The following KLRD1 variants were observed in gnomAD, a reference collection of about 807,000 sequenced individuals.
KLRD1 encodes the protein killer cell lectin like receptor D1, also known as natural killer cells antigen CD94.
KLRD1 carries 21 observed loss-of-function variants against 22.6 expected under a neutral mutation model. The ratio of observed to expected loss-of-function variants is 0.93; its 90% CI spans 0.66 to 1.34. The LOEUF (loss-of-function observed/expected upper bound fraction) is 1.34, where lower values mean the gene tolerates loss of function less well. Among genes scored for constraint, KLRD1 ranks in the 40% most tolerant of loss-of-function variants. KLRD1 has a pLI of 0.00. For missense variants in KLRD1, 183 were observed against 208.6 expected (o/e 0.88, Z 0.76); for synonymous variants, 59 against 71.1 (o/e 0.83, Z 0.85).
At position 10,239,434 on chromosome 12, in the gene KLRD1, T is replaced by TTCCTTCCTTCC. The variant is rs59390706; in HGVS notation, c.-101+13202_-101+13203insCCTTCCTTCCT. 1.9e-3 allele frequency among the ~76,000 whole-genome samples: 80 copies of TTCCTTCCTTCC among 41,424 alleles called. 5 individuals carry two copies. Among genetic ancestry groups the TTCCTTCCTTCC allele is most frequent in the Non-Finnish European group, 2.6e-3 (52 of 20,348 alleles). 27.2% of individuals were successfully genotyped at this position (41,424 alleles called of 152,430 possible). On this transcript the variant is annotated intron_variant, in intron 1 of 5. Transcript: ENST00000544747. ...CTTCCTTCTTTCCATCCTTCCTTCCTTTCCTTCCTTCCTTCCTTCCTTCCT... is the reference window on the plus strand; with the variant it reads ...CTTCCTTCTTTCCATCCTTCCTTCCTTCCTTCCTTCCTTCCTTCCTTCCTTCCTTCCTTCCT...
At chr12:10,240,061 T>A (rs1949226608) in intron 1 of KLRD1, among the ~76,000 whole-genome samples, 1 of 151,194 alleles carries the variant, frequency 6.6e-6, no homozygotes, top group South Asian at 2.1e-4. Context: ...ATTTCTACTT[T>A]CTTTCTTTTT....
At chr12:10,246,712 T>G (rs1949294339) in intron 1 of KLRD1, among the ~76,000 whole-genome samples, 4 of 152,174 alleles carry the variant, frequency 2.6e-5, no homozygotes, top group African/African-American at 9.7e-5. Flanking sequence ...GTCAAATCAT[T>G]CCTATAATGT....
At chr12:10,291,169 C>T (rs1440353581) in intron 1 of KLRD1, among the ~76,000 whole-genome samples, 2 of 152,166 alleles carry the variant, frequency 1.3e-5, no homozygotes, top group Non-Finnish European at 2.9e-5. Context: ...AAAATGTTAA[C>T]AATCAGCTGA....
At chr12:10,248,538 C>A (rs577949821) in intron 1 of KLRD1, among the ~76,000 whole-genome samples, 1 of 83,028 alleles carries the variant, frequency 1.2e-5, no homozygotes, top group South Asian at 3.8e-4. Flanking sequence ...CTTTTCCTTC[C>A]TTCCTTCCTT....
At chr12:10,300,075 C>T (rs528228835), upstream of KLRD1, among the ~76,000 whole-genome samples, 1 of 152,292 alleles carries the variant, frequency 6.6e-6, no homozygotes, top group South Asian at 2.1e-4. Flanking sequence ...TCAAAGGCAT[C>T]CATGAGAAAT....
rs552570341 is a variant in KLRD1, at chr12:10,292,725, A to G, written c.-100-15253A>G. Among the ~76,000 whole-genome samples the G allele has an allele frequency of 2.0e-5, 3 of 152,274 alleles. No homozygotes were observed. The South Asian group carries it at 6.2e-4, about 32-fold the overall frequency. On this transcript the variant is annotated intron_variant, in intron 1 of 5. Coordinates refer to the KLRD1 transcript ENST00000544747. Reference sequence around the variant, plus strand: ...GAATGGTAAATGAGCATTGGCTTCAACTTAAGTCACCAGTTAGCCCCTAAC... The same window carrying G: ...GAATGGTAAATGAGCATTGGCTTCAGCTTAAGTCACCAGTTAGCCCCTAAC...
At position 10,316,634 on chromosome 12, in the gene KLRD1, G is replaced by A. The variant is rs934893051; in HGVS notation, c.*1841G>A. ...CCCAGGCTGATCTTGAACTCCTGGG[G>A]TCAAGGATTCTGCCCGCCTTGGCCT... On this transcript the variant is annotated 3_prime_UTR_variant, in exon 6 of 6. Coordinates refer to ENST00000336164, the MANE Select transcript of KLRD1 (RefSeq NM_002262.5). 1 of 152,214 alleles carries A rather than the reference G, an allele frequency of 6.6e-6. No individual in the cohort carries two copies. The highest frequency in any genetic ancestry group is 2.4e-5 in the African/African-American group (1 of 41,538). 9.4% of individuals were successfully genotyped at this position (152,214 alleles called of 1,614,324 possible).
chr12:10,240,542 G>A (rs1367416706), intron 1 of KLRD1, among the ~76,000 whole-genome samples: 1 of 152,104 alleles, frequency 6.6e-6, no homozygotes, highest in Non-Finnish European at 1.5e-5. Context: ...ATGAAAAAAT[G>A]TAAACATTAA....
chr12:10,305,228 TCCTGCAA>T, upstream of KLRD1, among the ~76,000 whole-genome samples: 1 of 152,306 alleles, frequency 6.6e-6, no homozygotes, highest in African/African-American at 2.4e-5. Flanking sequence ...GAGGGCATCT[TCCTGCAA>T]TGGATACTAG....
chr12:10,254,463 G>C (rs963056250), intron 1 of KLRD1, among the ~76,000 whole-genome samples: 5 of 143,996 alleles, frequency 3.5e-5, no homozygotes, highest in African/African-American at 1.3e-4. Context: ...CCTATCAACA[G>C]AGTAAACAGA....
chr12:10,298,206 T>C (rs545155694), intron 1 of KLRD1, among the ~76,000 whole-genome samples: 87 of 152,306 alleles, frequency 5.7e-4, no homozygotes, highest in African/African-American at 2.0e-3. Context: ...AAAGACAATG[T>C]GACTATCAAA....
At chr12:10,286,791 G>T (rs1949710088) in intron 1 of KLRD1, among the ~76,000 whole-genome samples, 1 of 146,844 alleles carries the variant, frequency 6.8e-6, no homozygotes, top group Non-Finnish European at 1.5e-5. Flanking sequence ...TTACAGGCAT[G>T]AGCCACCGCA....
At chr12:10,288,471 C>T (rs2137663882) in intron 1 of KLRD1, among the ~76,000 whole-genome samples, 1 of 152,222 alleles carries the variant, frequency 6.6e-6, no homozygotes. Context: ...AAATGACTCT[C>T]TAGATTTTAA....
At chr12:10,246,501 G>T (rs573425778) in intron 1 of KLRD1, among the ~76,000 whole-genome samples, 115 of 152,204 alleles carry the variant, frequency 7.6e-4, no homozygotes, top group African/African-American at 2.7e-3. Flanking sequence ...ACAAGATAGG[G>T]TAGGAAACAT....
rs776399936 is a variant in KLRD1, at chr12:10,261,607, G to A, written c.-101+35374G>A. ...AGCAGCTCTGACTATTTACAAAGAA[G>A]CAATATTCTTACAATTTGATTCATT... is the stretch of plus-strand genomic sequence containing the variant. On this transcript the variant is annotated intron_variant, in intron 1 of 5. Coordinates refer to the KLRD1 transcript ENST00000544747. Among the ~76,000 whole-genome samples, 21 of 152,044 alleles carry A rather than the reference G, an allele frequency of 1.4e-4. 1 individual carries two copies. Among genetic ancestry groups the A allele is most frequent in the Non-Finnish European group, 1.5e-5 (1 of 67,962 alleles).
chr12:10,289,828 G>GA (rs1158112175), intron 1 of KLRD1, among the ~76,000 whole-genome samples: 6 of 152,136 alleles, frequency 3.9e-5, no homozygotes, highest in Non-Finnish European at 8.8e-5. Context: ...GCCCAGGCTG[G>GA]AGTGCAGTGG....
chr12:10,292,184 C>A (rs1949776605), intron 1 of KLRD1, among the ~76,000 whole-genome samples: 1 of 152,162 alleles, frequency 6.6e-6, no homozygotes, highest in Non-Finnish European at 1.5e-5. Flanking sequence ...GTCTCGAACA[C>A]CTCAAAGTCA....
chr12:10,278,571 T>G (rs890251103), intron 1 of KLRD1, among the ~76,000 whole-genome samples: 2 of 152,144 alleles, frequency 1.3e-5, no homozygotes, highest in Admixed American at 1.3e-4. Flanking sequence ...CTGTCTTGAT[T>G]CCTATTTATT....
In KLRD1 at chr12:10,257,106, T is replaced by C. The variant is rs536918226; in HGVS notation, c.-101+30873T>C. Among the ~76,000 whole-genome samples, 10 of 142,164 alleles carry C rather than the reference T, an allele frequency of 7.0e-5. No homozygotes were observed. The East Asian group carries it at 2.0e-3, about 29-fold the overall frequency. 93.3% of individuals were successfully genotyped at this position (142,164 alleles called of 152,430 possible). ...AGGAGCCCTTGTTTGTGACAAATAT[T>C]TTCTTGTTTTGTTTTGTTTTTTCTT... is the stretch of plus-strand genomic sequence containing the variant. On this transcript the variant is annotated intron_variant, in intron 1 of 5. Coordinates refer to the KLRD1 transcript ENST00000544747.
Sources: allele counts gnomAD v4.1 joint callset (sites outside exome capture counted in the v4.1 genomes callset), GRCh38; gene constraint gnomAD v4.1.1; transcripts MANE v1.5; gene names NCBI Gene and HGNC (gene_info 2026-07-23, HGNC 2026-07-21).